Variants in PTPRG observed in about 807,000 individuals in gnomAD.
PTPRG encodes protein tyrosine phosphatase receptor type G, also known as receptor-type tyrosine-protein phosphatase gamma.
In PTPRG, 102 loss-of-function variants were observed where a neutral mutation model predicts 165.3. The ratio of observed to expected loss-of-function variants is 0.62; its 90% CI spans 0.53 to 0.73. PTPRG has a LOEUF of 0.73. Ranked by LOEUF, PTPRG falls within the 30% of genes least tolerant of loss-of-function variation. The pLI is 0.00. For missense variants in PTPRG, 1,866 were observed against 1,861.4 expected (o/e 1.00, Z -0.05); for synonymous variants, 675 against 669.5 (o/e 1.01, Z -0.13).
rs1190159828 is a variant in PTPRG at position 62,005,767 on chromosome 3, A to G, written c.519+2270A>G. On this transcript the variant is annotated intron_variant, in intron 4 of 29. Coordinates refer to ENST00000474889, the MANE Select transcript of PTPRG (RefSeq NM_002841.4). ...CCAGGCTGGAATGTAGTGGCGCATG[A>G]TATCAGCTCACTGCAATCTCCGCCT... 4.9e-5 allele frequency among the ~76,000 whole-genome samples: 6 copies of G among 121,514 alleles called. No individual in the cohort carries two copies. In the East Asian group the frequency reaches 1.6e-3, roughly 32 times the overall value. 79.7% of individuals were successfully genotyped at this position (121,514 alleles called of 152,430 possible). A position where few individuals can be genotyped will look rare whatever the true frequency, so the allele number is the denominator to read the frequency against.
At chr3:62,261,570 G>C (rs1274101673) in intron 16 of PTPRG, among the ~76,000 whole-genome samples, 1 of 150,746 alleles carries the variant, frequency 6.6e-6, no homozygotes, top group Non-Finnish European at 1.5e-5. Flanking sequence ...TCCCAGAAAG[G>C]TGGATTGAAT....
At chr3:62,027,563 A>C (rs1699605374) in intron 4 of PTPRG, among the ~76,000 whole-genome samples, 1 of 152,128 alleles carries the variant, frequency 6.6e-6, no homozygotes, top group Non-Finnish European at 1.5e-5. Context: ...TTACCTGAAA[A>C]AGCCTCTACA....
chr3:61,925,284 C>G (rs185977551), intron 2 of PTPRG, among the ~76,000 whole-genome samples: 318 of 152,320 alleles, frequency 2.1e-3, no homozygotes, highest in Non-Finnish European at 3.5e-3. Flanking sequence ...CTCTGTTGTC[C>G]TCTGTGTGTG....
chr3:61,709,242 T>G (rs2031427195), intron 1 of PTPRG, among the ~76,000 whole-genome samples: 1 of 152,204 alleles, frequency 6.6e-6, no homozygotes, highest in Non-Finnish European at 1.5e-5. Flanking sequence ...GACCCAAAAC[T>G]CTTGGCCATA....
chr3:62,114,755 C>A (rs1054148115), intron 5 of PTPRG, among the ~76,000 whole-genome samples: 8 of 152,150 alleles, frequency 5.3e-5, no homozygotes, highest in African/African-American at 1.9e-4. Flanking sequence ...GACAATCCTT[C>A]CATCTCAACC....
intron 3 of PTPRG, among the ~76,000 whole-genome samples, chr3:61,991,455 C>T (rs2040887676): frequency 6.6e-6 from 1 of 152,222 alleles, no homozygotes; most frequent in Admixed American, 6.5e-5. Context: ...ATCTCCTCGC[C>T]TCGACCTCCC....
At chr3:62,019,759 T>C in intron 4 of PTPRG, among the ~76,000 whole-genome samples, 1 of 152,160 alleles carries the variant, frequency 6.6e-6, no homozygotes, top group Admixed American at 6.5e-5. Context: ...GCCATGAATG[T>C]GTACAATTTT....
chr3:62,158,565 TTGAATGAGCCATCAGAGG>T (rs879618657), intron 7 of PTPRG, among the ~76,000 whole-genome samples: 4 of 152,140 alleles, frequency 2.6e-5, no homozygotes, highest in Admixed American at 6.5e-5. Context: ...ATGTCCATCT[TTGAATGAGCCATCAGAGG>T]TGAATGAGCC....
At chr3:61,954,836 A>G (rs544547442) in intron 2 of PTPRG, among the ~76,000 whole-genome samples, 1 of 152,362 alleles carries the variant, frequency 6.6e-6, no homozygotes, top group East Asian at 1.9e-4. Flanking sequence ...GAGTTGGAGG[A>G]CTTAACAAAT....
At chr3:61,839,979 T>G (rs1359543935) in intron 2 of PTPRG, among the ~76,000 whole-genome samples, 1 of 152,224 alleles carries the variant, frequency 6.6e-6, no homozygotes, top group Non-Finnish European at 1.5e-5. Context: ...AAAGCTGCTA[T>G]TAAAATGACT....
chr3:62,011,084 G>T (rs979066372), intron 4 of PTPRG, among the ~76,000 whole-genome samples: 1 of 152,166 alleles, frequency 6.6e-6, no homozygotes, highest in Non-Finnish European at 1.5e-5. Flanking sequence ...AACTGATGAG[G>T]CTGGGTTCCT....
Position 62,280,067 on chromosome 3 carries a change from A to G in PTPRG, c.3766-1496A>G, listed in dbSNP as rs563275097. Among the ~76,000 whole-genome samples, 3 of 152,178 alleles carry G rather than the reference A, an allele frequency of 2.0e-5. No individual in the cohort carries two copies. The South Asian group carries it at 6.2e-4, about 32-fold the overall frequency. Reference sequence around the variant, plus strand: ...ATTCAAGGACCAAGCCTGCATATCTATTTTTAATCTTAAAATGGATGAACA... The same window carrying G: ...ATTCAAGGACCAAGCCTGCATATCTGTTTTTAATCTTAAAATGGATGAACA... On this transcript the variant is annotated intron_variant, in intron 26 of 29. Transcript: ENST00000474889.
chr3:61,684,703 G>T (rs1703565048), intron 1 of PTPRG, among the ~76,000 whole-genome samples: 1 of 152,190 alleles, frequency 6.6e-6, no homozygotes, highest in Admixed American at 6.5e-5. Context: ...ATGTGAAACA[G>T]CTTAGAACAA....
At chr3:61,674,033 G>A (rs1402773649) in intron 1 of PTPRG, among the ~76,000 whole-genome samples, 1 of 151,836 alleles carries the variant, frequency 6.6e-6, no homozygotes, top group African/African-American at 2.4e-5. Flanking sequence ...GTCTTTGTGG[G>A]GTGGGTGGGG....
chr3:62,074,842 A>AC (rs1701332296), intron 4 of PTPRG, among the ~76,000 whole-genome samples: 1 of 152,024 alleles, frequency 6.6e-6, no homozygotes, highest in African/African-American at 2.4e-5. Flanking sequence ...GATGGTAGCT[A>AC]CCCCAAACAC....
intron 5 of PTPRG, among the ~76,000 whole-genome samples, chr3:62,080,267 G>C (rs1441637934): frequency 6.6e-6 from 1 of 151,174 alleles, no homozygotes; most frequent in Non-Finnish European, 1.5e-5. Context: ...GTAGAGGCAG[G>C]GTTTCTCCAT....
chr3:62,074,180 A>AGTGT (rs140019903), intron 4 of PTPRG, among the ~76,000 whole-genome samples: 100,854 of 143,400 alleles, frequency 0.7, 36,393 homozygotes, highest in Non-Finnish European at 0.81. Flanking sequence ...AAAAAGTGAG[A>AGTGT]GTGTGTGTGT....
intron 3 of PTPRG, among the ~76,000 whole-genome samples, chr3:62,000,816 G>C (rs970193210): frequency 6.6e-6 from 1 of 152,154 alleles, no homozygotes; most frequent in South Asian, 2.1e-4. Flanking sequence ...TTCTAGAAAT[G>C]AGTTTGGAAA....
intron 1 of PTPRG, among the ~76,000 whole-genome samples, chr3:61,674,467 A>G (rs1306776664): frequency 8.1e-6 from 1 of 123,678 alleles, no homozygotes; most frequent in East Asian, 2.7e-4. Context: ...AGCCTGGGCG[A>G]TAGAGTGAGA....
Sources: allele counts gnomAD v4.1 joint callset (sites outside exome capture counted in the v4.1 genomes callset), GRCh38; gene constraint gnomAD v4.1.1; transcripts MANE v1.5; gene names NCBI Gene and HGNC (gene_info 2026-07-23, HGNC 2026-07-21).